The following LSAMP variants were observed in gnomAD, a reference collection of about 807,000 sequenced individuals.
LSAMP encodes limbic system associated membrane protein.
A neutral mutation model predicts 38.6 loss-of-function variants in LSAMP; 7 were observed. The ratio of observed to expected loss-of-function variants is 0.18; its 90% CI spans 0.10 to 0.34. LSAMP has a LOEUF of 0.34. LSAMP is among the 10% of genes least tolerant of loss of function. LSAMP has a pLI of 1.00. For missense variants in LSAMP, 313 were observed against 420.0 expected (o/e 0.75, Z 2.23); for synonymous variants, 154 against 166.8 (o/e 0.92, Z 0.59).
intron 1 of LSAMP, among the ~76,000 whole-genome samples, chr3:116,179,610 T>C (rs141259833): frequency 2.0e-5 from 3 of 152,222 alleles, no homozygotes; most frequent in Non-Finnish European, 2.9e-5. Flanking sequence ...ATGTCTTACA[T>C]GGCCGGAGCA....
chr3:116,115,117 C>A (rs183833205), intron 1 of LSAMP, among the ~76,000 whole-genome samples: 7 of 152,256 alleles, frequency 4.6e-5, no homozygotes. Flanking sequence ...AAAATGAAAA[C>A]TAAATATGGC....
intron 3 of LSAMP, among the ~76,000 whole-genome samples, chr3:116,003,592 G>A (rs945004998): frequency 6.6e-6 from 1 of 152,132 alleles, no homozygotes; most frequent in Non-Finnish European, 1.5e-5. Context: ...TTTGGAAAAG[G>A]GGCTTTTGCA....
chr3:116,073,299 G>T (rs1350890310), intron 2 of LSAMP, among the ~76,000 whole-genome samples: 1 of 152,116 alleles, frequency 6.6e-6, no homozygotes. Flanking sequence ...TGCTGTTGTT[G>T]TTACTGTGGC....
At chr3:116,293,208 A>G (rs1226087880) in intron 1 of LSAMP, among the ~76,000 whole-genome samples, 5 of 152,154 alleles carry the variant, frequency 3.3e-5, no homozygotes, top group African/African-American at 9.7e-5. Flanking sequence ...CCTCAGTACT[A>G]GATCCATATT....
intron 3 of LSAMP, among the ~76,000 whole-genome samples, chr3:115,927,547 A>T (rs1937517713): frequency 6.6e-6 from 1 of 152,072 alleles, no homozygotes. Context: ...AACCATGGTT[A>T]TGTATTATTT....
intron 6 of LSAMP, among the ~76,000 whole-genome samples, chr3:115,841,225 T>C (rs1476097804): frequency 6.6e-6 from 1 of 152,230 alleles, no homozygotes; most frequent in East Asian, 1.9e-4. Flanking sequence ...TGTTCCTCTT[T>C]CCTACCATTC....
intron 2 of LSAMP, among the ~76,000 whole-genome samples, chr3:116,020,709 G>T (rs1940614876): frequency 6.6e-6 from 1 of 152,150 alleles, no homozygotes; most frequent in East Asian, 1.9e-4. Flanking sequence ...CTTAAGTGGG[G>T]AGTGAATTAC....
chr3:116,166,770 T>C (rs1055488781), intron 1 of LSAMP, among the ~76,000 whole-genome samples: 6 of 151,158 alleles, frequency 4.0e-5, no homozygotes, highest in African/African-American at 1.5e-4. Flanking sequence ...AAATCTAAAA[T>C]TTTTAGTTTT....
At chr3:116,138,112 C>G (rs1709290438) in intron 1 of LSAMP, among the ~76,000 whole-genome samples, 1 of 152,076 alleles carries the variant, frequency 6.6e-6, no homozygotes, top group African/African-American at 2.4e-5. Flanking sequence ...CCATATTTCT[C>G]ACAAGTTCTC....
intron 1 of LSAMP, among the ~76,000 whole-genome samples, chr3:116,210,341 A>G (rs1448064334): frequency 2.0e-5 from 3 of 152,160 alleles, no homozygotes; most frequent in Non-Finnish European, 2.9e-5. Context: ...GGCACCATCT[A>G]ATCAACTGCC....
intron 1 of LSAMP, among the ~76,000 whole-genome samples, chr3:116,184,909 C>T (rs2107574177): frequency 6.6e-6 from 1 of 151,886 alleles, no homozygotes; most frequent in South Asian, 2.1e-4. Flanking sequence ...GTTTTCCTTT[C>T]ACCATTCCAT....
At chr3:116,425,419 C>T (rs1019318418) in intron 1 of LSAMP, among the ~76,000 whole-genome samples, 2 of 152,124 alleles carry the variant, frequency 1.3e-5, no homozygotes, top group African/African-American at 2.4e-5. Flanking sequence ...CCAGGCAACA[C>T]GTGGAACATG....
chr3:116,430,909 TTTTC>T (rs781395910), intron 1 of LSAMP, among the ~76,000 whole-genome samples: 5 of 151,996 alleles, frequency 3.3e-5, no homozygotes, highest in African/African-American at 7.2e-5. Flanking sequence ...CTACCATATT[TTTTC>T]TTTCTTTCTG....
chr3:116,315,752 C>T (rs2047620347), intron 1 of LSAMP, among the ~76,000 whole-genome samples: 2 of 152,230 alleles, frequency 1.3e-5, no homozygotes, highest in South Asian at 2.1e-4. Flanking sequence ...TTCAATAACT[C>T]CAGGAGGTGT....
intron 6 of LSAMP, among the ~76,000 whole-genome samples, chr3:115,832,467 T>G (rs1045709109): frequency 3.3e-5 from 5 of 152,202 alleles, no homozygotes; most frequent in South Asian, 2.1e-4. Flanking sequence ...CAGTGAGGCA[T>G]GCTTCTCATA....
intron 1 of LSAMP, among the ~76,000 whole-genome samples, chr3:116,106,110 G>A (rs546270741): frequency 1.3e-5 from 2 of 152,286 alleles, no homozygotes; most frequent in Admixed American, 6.5e-5. Context: ...AGGTATAAAA[G>A]GTCTAAGAAT....
chr3:115,878,348 TC>T (rs1372619116), intron 3 of LSAMP, among the ~76,000 whole-genome samples: 2 of 152,034 alleles, frequency 1.3e-5, no homozygotes, highest in African/African-American at 4.8e-5. Flanking sequence ...GTATTGTTGT[TC>T]TGGTTATAAA....
chr3:116,048,598 C>A (rs908420789), intron 2 of LSAMP, among the ~76,000 whole-genome samples: 1 of 152,130 alleles, frequency 6.6e-6, no homozygotes, highest in Non-Finnish European at 1.5e-5. Flanking sequence ...TTTGTGTGAG[C>A]TACTTTTGCA....
At chr3:116,323,305 T>TC (rs1000937558) in intron 1 of LSAMP, among the ~76,000 whole-genome samples, 2 of 152,086 alleles carry the variant, frequency 1.3e-5, no homozygotes, top group Non-Finnish European at 2.9e-5. Context: ...ACCTTTTTTT[T>TC]CCCCCAAACT....
Sources: gnomAD v4.1 joint callset for allele counts (sites outside exome capture counted in the v4.1 genomes callset) on GRCh38, gnomAD v4.1.1 for gene constraint, MANE v1.5 for transcripts, NCBI Gene and HGNC (gene_info 2026-07-23, HGNC 2026-07-21) for gene names.